The following RPP30 variants were observed in gnomAD, a reference collection of about 807,000 sequenced individuals.
The protein encoded by RPP30 is ribonuclease P/MRP subunit p30, also known as ribonuclease P protein subunit p30.
RPP30 carries 36 observed loss-of-function variants against 38.6 expected under a neutral mutation model. The ratio of observed to expected loss-of-function variants is 0.93; its 90% CI spans 0.71 to 1.23. The LOEUF (loss-of-function observed/expected upper bound fraction) is 1.23, where lower values mean the gene tolerates loss of function less well. Ranked by LOEUF, RPP30 falls within the 50% of genes most tolerant of loss-of-function variation. The pLI is 0.00. For synonymous variants in RPP30, 126 were observed against 112.7 expected (o/e 1.12, Z -0.75); for missense variants, 321 against 321.7 (o/e 1.00, Z 0.02).
At chr10:90,888,103 C>T (rs1433512960) in intron 6 of RPP30, among the ~76,000 whole-genome samples, 1 of 152,214 alleles carries the variant, frequency 6.6e-6, no homozygotes, top group Non-Finnish European at 1.5e-5. Flanking sequence ...ACTGCCAATA[C>T]AGTTTCTGTG....
At position 90,872,087 on chromosome 10, in the gene RPP30, G is replaced by C; in HGVS notation, c.82+19G>C. On this transcript the variant is annotated intron_variant, in intron 1 of 10. Coordinates refer to ENST00000371703, the MANE Select transcript of RPP30 (RefSeq NM_006413.5). ...GCTCACCGTGAGTTGCCCCGGCTTC[G>C]CGCCTGGCCAACCTCATGCCACCCA... The C allele has an allele frequency of 1.9e-6, 3 of 1,608,898 alleles. No homozygotes were observed. Among genetic ancestry groups the C allele is most frequent in the Non-Finnish European group, 2.6e-6 (3 of 1,175,300 alleles).
At chr10:90,899,179 A>AAT (rs1279464325) in intron 10 of RPP30, among the ~76,000 whole-genome samples, 1 of 152,218 alleles carries the variant, frequency 6.6e-6, no homozygotes, top group Non-Finnish European at 1.5e-5. Context: ...CAGTGACATA[A>AAT]ATTAATAGCT....
chr10:90,895,932 G>A lies in RPP30; in HGVS notation c.617+15G>A, dbSNP rs1269770944. On this transcript the variant is annotated intron_variant, in intron 9 of 10. Coordinates refer to ENST00000371703, the MANE Select transcript of RPP30 (RefSeq NM_006413.5). ...GTGGCAAATCTGTATCCTTTTCTGAGTAAAAAGTTGTTGACATTGTCTTTC... is the reference window on the plus strand; with the variant it reads ...GTGGCAAATCTGTATCCTTTTCTGAATAAAAAGTTGTTGACATTGTCTTTC... 11 of 1,588,500 alleles carry A rather than the reference G, an allele frequency of 6.9e-6. No individual in the cohort carries two copies. The highest frequency in any genetic ancestry group is 9.4e-6 in the Non-Finnish European group (11 of 1,165,124).
intron 6 of RPP30, among the ~76,000 whole-genome samples, chr10:90,886,531 T>G (rs1209862399): frequency 6.6e-6 from 1 of 152,218 alleles, no homozygotes; most frequent in Non-Finnish European, 1.5e-5. Flanking sequence ...CCTTCTTCTG[T>G]CTTAATTTCC....
chr10:90,885,376 A>G (rs947585243), intron 5 of RPP30, among the ~76,000 whole-genome samples: 6 of 152,236 alleles, frequency 3.9e-5, no homozygotes, highest in Admixed American at 3.9e-4. Flanking sequence ...AATTCTTGGC[A>G]CAGAGTTGCT....
intron 5 of RPP30, among the ~76,000 whole-genome samples, chr10:90,884,227 T>C (rs1846970334): frequency 6.6e-6 from 1 of 152,210 alleles, no homozygotes; most frequent in African/African-American, 2.4e-5. Context: ...TTTTAGAGTC[T>C]CTGCACTTAT....
chr10:90,899,947 C>CATT lies in RPP30; in HGVS notation c.698-623_698-622insATT, dbSNP rs535998205. On this transcript the variant is annotated intron_variant, in intron 10 of 10. Transcript: ENST00000371703. ...TTGGTTAAATTTAAGTTGAACTCTG[C>CATT]TGCCAGCCTAATCTAAGCATTTAAT... Among the ~76,000 whole-genome samples the CATT allele has an allele frequency of 2.2e-3, 336 of 152,242 alleles. 1 individual carries two copies. The highest frequency in any genetic ancestry group is 0.01 in the Middle Eastern group (3 of 294).
At position 90,900,825 on chromosome 10, in the gene RPP30, A is replaced by C. The variant is rs1204836538; in HGVS notation, c.*146A>C. 4.5e-6 allele frequency: 6 copies of C among 1,345,574 alleles called. No homozygotes were observed. The African/African-American group carries it at 8.9e-5, about 20-fold the overall frequency. The allele number at this position is 1,345,574 out of a possible 1,614,324, so 83.4% of individuals were successfully genotyped here. ...ATAAAAACAGTTTTACTTGCAATCC[A>C]TTAAAACAACAAACGAAACCTAGTG... is the stretch of plus-strand genomic sequence containing the variant. On this transcript the variant is annotated 3_prime_UTR_variant, in exon 11 of 11. Transcript: ENST00000371703.
At chr10:90,896,486 T>C in intron 10 of RPP30, 94 bp downstream of exon 10, 1 of 929,472 alleles carries the variant, frequency 1.1e-6, no homozygotes, top group Non-Finnish European at 1.7e-6. Context: ...CCCTACAGAG[T>C]TCCTTTGGGA....
rs187982967 is a variant in RPP30 at position 90,896,941 on chromosome 10, G to A, written c.697+549G>A. 5.3e-5 allele frequency among the ~76,000 whole-genome samples: 8 copies of A among 151,786 alleles called. No individual in the cohort carries two copies. In the East Asian group the frequency reaches 1.5e-3, roughly 29 times the overall value. On this transcript the variant is annotated intron_variant, in intron 10 of 10. Coordinates refer to ENST00000371703, the MANE Select transcript of RPP30 (RefSeq NM_006413.5). ...ATTTTTTTTTCTTTTTCTAAATAGA[G>A]ACAGAGTCTCACTATGTTGCCCAGG...
At position 90,879,110 on chromosome 10, in the gene RPP30, T is replaced by C. The variant is rs147125295; in HGVS notation, c.318T>C (p.Phe106=). The stretch of plus-strand genomic sequence containing the variant: ...GGCTCTATGATGTTGTTGCAGTTTT[T>C]CCAAAGACAGAAAAGCTTTTTCATG... ...RARLYDVVAV[F]PKTEKLFHIA... is the part of the protein sequence containing the mutation. The change falls in exon 5 of 11, where the codon TTT becomes TTC. Residue 106 remains phenylalanine, a synonymous_variant. Transcript: ENST00000371703. The C allele has an allele frequency of 1.4e-4, 221 of 1,613,996 alleles. No homozygotes were observed. Among genetic ancestry groups the C allele is most frequent in the Middle Eastern group, 1.3e-3 (8 of 6,062 alleles).
In RPP30 at chr10:90,900,783, C is replaced by G; in HGVS notation, c.*104C>G. ...TGTGATTTACTGTTTTCATTTGGAG[C>G]TAGAAATCAATAGTCTATAAAAACA... is the stretch of plus-strand genomic sequence containing the variant. On this transcript the variant is annotated 3_prime_UTR_variant, in exon 11 of 11. Coordinates refer to ENST00000371703, the MANE Select transcript of RPP30 (RefSeq NM_006413.5). 2 of 1,455,482 alleles carry G rather than the reference C, an allele frequency of 1.4e-6. No individual in the cohort carries two copies. Among genetic ancestry groups the G allele is most frequent in the Non-Finnish European group, 1.8e-6 (2 of 1,105,116 alleles). The allele number at this position is 1,455,482 out of a possible 1,614,324, so 90.2% of individuals were successfully genotyped here. A position where few individuals can be genotyped will look rare whatever the true frequency, so the allele number is the denominator to read the frequency against.
chr10:90,889,304 CTTT>C (rs59640704), intron 6 of RPP30, among the ~76,000 whole-genome samples: 6 of 106,538 alleles, frequency 5.6e-5, no homozygotes, highest in South Asian at 7.0e-4. Context: ...ATAAGGATTA[CTTT>C]TTTTTTTTTT....
At chr10:90,903,173 T>G, downstream of RPP30, 1 of 1,411,850 alleles carries the variant, frequency 7.1e-7, no homozygotes, top group Non-Finnish European at 1.0e-6. Flanking sequence ...TAATGTCAAG[T>G]TCCTTTTCTG....
In RPP30 at chr10:90,871,983, C is replaced by CAGCAT; in HGVS notation, c.-3_2dup. On this transcript the variant is annotated 5_prime_UTR_variant, in exon 1 of 11. Coordinates refer to ENST00000371703, the MANE Select transcript of RPP30 (RefSeq NM_006413.5). ...GCGCGCGCGGACGGTCATGGGACTT[C>CAGCAT]AGCATGGCGGTGTTTGCAGATTTGG... is the stretch of plus-strand genomic sequence containing the variant. 6.2e-7 allele frequency: 1 copy of CAGCAT among 1,613,788 alleles called. No individual in the cohort carries two copies.
chr10:90,907,755 TACC>T (rs1847268958), downstream of RPP30, among the ~76,000 whole-genome samples: 1 of 152,188 alleles, frequency 6.6e-6, no homozygotes, highest in Admixed American at 6.5e-5. Flanking sequence ...CCCTAAAGGT[TACC>T]ACCTCAAAGA....
At chr10:90,890,172 A>C (rs560622541) in intron 6 of RPP30, among the ~76,000 whole-genome samples, 6 of 152,322 alleles carry the variant, frequency 3.9e-5, no homozygotes, top group African/African-American at 1.4e-4. Flanking sequence ...ATCTGCTGTT[A>C]TTTCCTACTG....
intron 4 of RPP30, among the ~76,000 whole-genome samples, 169 bp downstream of exon 4, chr10:90,876,267 G>A (rs1309400129): frequency 6.6e-6 from 1 of 152,114 alleles, no homozygotes; most frequent in Non-Finnish European, 1.5e-5. Flanking sequence ...TAATATGTCT[G>A]TTCCACTTAC....
chr10:90,878,976 GAAA>G, intron 4 of RPP30, 84 bp from the exon 5 acceptor site: 1 of 1,122,422 alleles, frequency 8.9e-7, no homozygotes, highest in African/African-American at 1.6e-5. Context: ...TTCCATGATT[GAAA>G]TATAAGTGTG....
Sources: allele counts gnomAD v4.1 joint callset (sites outside exome capture counted in the v4.1 genomes callset), GRCh38; gene constraint gnomAD v4.1.1; transcripts MANE v1.5; gene names NCBI Gene and HGNC (gene_info 2026-07-23, HGNC 2026-07-21).